ARHGAP15: variants seen among roughly 807,000 people sequenced by gnomAD.
ARHGAP15 encodes the protein rho GTPase-activating protein 15.
ARHGAP15 carries 51 observed loss-of-function variants against 63.7 expected under a neutral mutation model. The observed-to-expected ratio is 0.80, with a 90% confidence interval of 0.64 to 1.01. ARHGAP15 has a LOEUF of 1.01. Among genes scored for constraint, ARHGAP15 ranks in the 50% least tolerant of loss-of-function variants. The pLI is 0.00. For synonymous variants in ARHGAP15, 191 were observed against 193.8 expected (o/e 0.99, Z 0.12); for missense variants, 560 against 564.6 (o/e 0.99, Z 0.08).
At chr2:143,414,904 G>A (rs771109949) in intron 6 of ARHGAP15, among the ~76,000 whole-genome samples, 1 of 152,110 alleles carries the variant, frequency 6.6e-6, no homozygotes, top group African/African-American at 2.4e-5. Context: ...ACTCCAGCCC[G>A]GGCAACAGAG....
At chr2:143,699,751 G>C (rs1321681255) in intron 12 of ARHGAP15, among the ~76,000 whole-genome samples, 1 of 152,206 alleles carries the variant, frequency 6.6e-6, no homozygotes, top group East Asian at 1.9e-4. Flanking sequence ...ATTAAAAGGT[G>C]AACAAGACCC....
intron 2 of ARHGAP15, among the ~76,000 whole-genome samples, chr2:143,165,306 A>G (rs771612670): frequency 1.3e-5 from 2 of 152,090 alleles, no homozygotes; most frequent in Admixed American, 1.3e-4. Flanking sequence ...GTGAAGGAAG[A>G]ATAGTGATGA....
chr2:143,459,825 C>T (rs1690842491), intron 8 of ARHGAP15, among the ~76,000 whole-genome samples: 1 of 152,006 alleles, frequency 6.6e-6, no homozygotes, highest in Non-Finnish European at 1.5e-5. Context: ...TATATGTAAT[C>T]AAAAACATTT....
Position 143,552,565 on chromosome 2 carries a change from G to T in ARHGAP15, c.926-3843G>T, listed in dbSNP as rs977305948. 2.4e-3 allele frequency among the ~76,000 whole-genome samples: 332 copies of T among 137,632 alleles called. 3 individuals carry two copies. The highest frequency in any genetic ancestry group is 9.3e-3 in the African/African-American group (321 of 34,562). 90.3% of individuals were successfully genotyped at this position (137,632 alleles called of 152,430 possible). Reference sequence around the variant, plus strand: ...GCTTCTTCAGGAGAAAAAAAAGTCGGGGTGGGGAGGCAGGGGAAGACTTTT... The same window carrying T: ...GCTTCTTCAGGAGAAAAAAAAGTCGTGGTGGGGAGGCAGGGGAAGACTTTT... On this transcript the variant is annotated intron_variant, in intron 10 of 13. Coordinates refer to ENST00000295095, the MANE Select transcript of ARHGAP15 (RefSeq NM_018460.4).
chr2:143,492,610 A>C (rs1040936464), intron 9 of ARHGAP15, among the ~76,000 whole-genome samples: 1 of 152,088 alleles, frequency 6.6e-6, no homozygotes, highest in Non-Finnish European at 1.5e-5. Flanking sequence ...AAGTGAAAAA[A>C]AGTTAGCCAG....
chr2:143,446,432 AT>A (rs1236409845), intron 8 of ARHGAP15, among the ~76,000 whole-genome samples: 1 of 151,986 alleles, frequency 6.6e-6, no homozygotes, highest in East Asian at 1.9e-4. Flanking sequence ...CAAATGCGTA[AT>A]TTTTTGAAGG....
chr2:143,711,293 C>G (rs1250486062), intron 13 of ARHGAP15, among the ~76,000 whole-genome samples: 1 of 152,148 alleles, frequency 6.6e-6, no homozygotes, highest in Admixed American at 6.5e-5. Context: ...AATTAGTAAA[C>G]AATTATAATA....
intron 6 of ARHGAP15, among the ~76,000 whole-genome samples, chr2:143,296,545 T>G (rs1467452143): frequency 4.6e-5 from 7 of 151,984 alleles, no homozygotes; most frequent in Non-Finnish European, 1.0e-4. Flanking sequence ...TCAGAAACCT[T>G]TGGGTAAAAA....
At chr2:143,137,026 T>C (rs549045920) in intron 1 of ARHGAP15, among the ~76,000 whole-genome samples, 1 of 152,164 alleles carries the variant, frequency 6.6e-6, no homozygotes, top group South Asian at 2.1e-4. Flanking sequence ...GTAGACAGAG[T>C]GGCCATTTTA....
At chr2:143,586,898 A>G (rs565732458) in intron 11 of ARHGAP15, among the ~76,000 whole-genome samples, 2 of 151,156 alleles carry the variant, frequency 1.3e-5, no homozygotes, top group South Asian at 2.1e-4. Flanking sequence ...TCAATCTCTC[A>G]ATCTCTCTCT....
chr2:143,363,927 G>C (rs1184250843), intron 6 of ARHGAP15, among the ~76,000 whole-genome samples: 1 of 152,188 alleles, frequency 6.6e-6, no homozygotes, highest in Non-Finnish European at 1.5e-5. Flanking sequence ...AGTTTGAACA[G>C]TGAAACTTAT....
At chr2:143,719,828 T>C (rs1202909188) in intron 13 of ARHGAP15, among the ~76,000 whole-genome samples, 1 of 152,122 alleles carries the variant, frequency 6.6e-6, no homozygotes, top group Non-Finnish European at 1.5e-5. Flanking sequence ...ATTCCTGGAG[T>C]GGCAAGCTCT....
chr2:143,753,744 A>G (rs984407627), intron 13 of ARHGAP15, among the ~76,000 whole-genome samples: 1 of 152,232 alleles, frequency 6.6e-6, no homozygotes, highest in African/African-American at 2.4e-5. Flanking sequence ...CATTATCTTT[A>G]GCTTCAATCC....
In ARHGAP15 at chr2:143,384,608, T is replaced by C. The variant is rs557398017; in HGVS notation, c.475-50993T>C. On this transcript the variant is annotated intron_variant, in intron 6 of 13. Transcript: ENST00000295095. The stretch of plus-strand genomic sequence containing the variant: ...TTGCTAAGTACATAGTAGGGGAATG[T>C]AACCCACCTGCATAAGTAAAATTTG... Among the ~76,000 whole-genome samples, 18 of 152,130 alleles carry C rather than the reference T, an allele frequency of 1.2e-4. 1 individual carries two copies. In the South Asian group the frequency reaches 2.3e-3, roughly 19 times the overall value.
intron 6 of ARHGAP15, among the ~76,000 whole-genome samples, chr2:143,352,726 A>G (rs1222007727): frequency 1.3e-5 from 2 of 152,222 alleles, no homozygotes; most frequent in Non-Finnish European, 2.9e-5. Context: ...TGCAGAGCTG[A>G]TGGTCAACCC....
chr2:143,516,625 G>A (rs1465239988), intron 9 of ARHGAP15, among the ~76,000 whole-genome samples: 1 of 152,090 alleles, frequency 6.6e-6, no homozygotes, highest in Non-Finnish European at 1.5e-5. Context: ...GATAATATTT[G>A]TGAAATTGAT....
chr2:143,604,311 G>A (rs1213570176), intron 11 of ARHGAP15, among the ~76,000 whole-genome samples: 1 of 152,180 alleles, frequency 6.6e-6, no homozygotes, highest in Admixed American at 6.5e-5. Context: ...AGCTGTTTCA[G>A]CTGACTGGGA....
At position 143,448,338 on chromosome 2, in the gene ARHGAP15, G is replaced by A. The variant is rs576973035; in HGVS notation, c.703+11296G>A. ...GAGCCTAGTGAAAGACTTCAATGCAGGCAAGAGACATGAACAGATTTGATT... is the reference window on the plus strand; with the variant it reads ...GAGCCTAGTGAAAGACTTCAATGCAAGCAAGAGACATGAACAGATTTGATT... On this transcript the variant is annotated intron_variant, in intron 8 of 13. Transcript: ENST00000295095. Among the ~76,000 whole-genome samples the A allele has an allele frequency of 2.6e-5, 4 of 152,142 alleles. No individual in the cohort carries two copies. In the East Asian group the frequency reaches 5.8e-4, roughly 22 times the overall value.
At chr2:143,642,979 C>T (rs1517914) in intron 12 of ARHGAP15, among the ~76,000 whole-genome samples, 122,086 of 152,108 alleles carry the variant, frequency 0.8, 51,485 homozygotes, top group South Asian at 0.96. Context: ...GCAGTAATTT[C>T]TTATCCTCCT....
Sources: gnomAD v4.1 joint callset for allele counts (sites outside exome capture counted in the v4.1 genomes callset) on GRCh38, gnomAD v4.1.1 for gene constraint, MANE v1.5 for transcripts, NCBI Gene and HGNC (gene_info 2026-07-23, HGNC 2026-07-21) for gene names.